The following ST6GALNAC3 variants were observed in gnomAD, a reference collection of about 807,000 sequenced individuals.
The protein encoded by ST6GALNAC3 is alpha-N-acetylgalactosaminide alpha-2,6-sialyltransferase 3.
A neutral mutation model predicts 32.7 loss-of-function variants in ST6GALNAC3; 25 were observed. That is an observed-to-expected ratio of 0.76 (90% CI 0.56 to 1.07). The LOEUF is 1.07. Among genes scored for constraint, ST6GALNAC3 ranks in the 50% least tolerant of loss-of-function variants. The pLI is 0.00. For synonymous variants in ST6GALNAC3, 129 were observed against 133.1 expected, an observed-to-expected ratio of 0.97 and a Z score of 0.21; for missense variants, 355 against 382.4, an observed-to-expected ratio of 0.93 and a Z score of 0.60.
At chr1:76,326,395 G>A (rs1054960098) in intron 2 of ST6GALNAC3, among the ~76,000 whole-genome samples, 2 of 152,270 alleles carry the variant, frequency 1.3e-5, no homozygotes, top group Admixed American at 6.5e-5. Flanking sequence ...AACATCAATG[G>A]AGTGGGAAGT....
chr1:76,142,130 TA>T (rs1162374551), intron 1 of ST6GALNAC3, among the ~76,000 whole-genome samples: 2 of 152,064 alleles, frequency 1.3e-5, no homozygotes, highest in Admixed American at 1.3e-4. Context: ...AAGCTACCCC[TA>T]AAAGCAAAGG....
intron 2 of ST6GALNAC3, among the ~76,000 whole-genome samples, chr1:76,387,457 G>A (rs899974022): frequency 3.3e-5 from 5 of 152,046 alleles, no homozygotes; most frequent in Non-Finnish European, 7.4e-5. Context: ...TTTTAGCTTA[G>A]ATTCTGTTTA....
intron 1 of ST6GALNAC3, among the ~76,000 whole-genome samples, chr1:76,258,263 C>T (rs1011564368): frequency 1.3e-5 from 2 of 152,060 alleles, no homozygotes; most frequent in African/African-American, 4.8e-5. Flanking sequence ...TTGAAGAAGA[C>T]GTTCATTCCA....
intron 3 of ST6GALNAC3, among the ~76,000 whole-genome samples, chr1:76,415,031 C>T (rs1007466182): frequency 9.9e-5 from 15 of 151,824 alleles, no homozygotes; most frequent in Non-Finnish European, 1.9e-4. Flanking sequence ...CTTCTATCTC[C>T]CTCCCTGCCT....
intron 3 of ST6GALNAC3, among the ~76,000 whole-genome samples, chr1:76,551,621 T>A (rs1664642241): frequency 6.6e-6 from 1 of 152,234 alleles, no homozygotes; most frequent in East Asian, 1.9e-4. Context: ...AATTATTAAG[T>A]CAAGGTATTT....
At chr1:76,423,067 CT>C (rs1655141523) in intron 3 of ST6GALNAC3, among the ~76,000 whole-genome samples, 1 of 151,962 alleles carries the variant, frequency 6.6e-6, no homozygotes, top group African/African-American at 2.4e-5. Flanking sequence ...TATGTTCAAC[CT>C]GCTATTTGCT....
chr1:76,435,573 G>T (rs1656082011), intron 3 of ST6GALNAC3, among the ~76,000 whole-genome samples: 1 of 152,172 alleles, frequency 6.6e-6, no homozygotes, highest in Admixed American at 6.5e-5. Flanking sequence ...AATGTGACAT[G>T]CATTATGCTG....
intron 2 of ST6GALNAC3, among the ~76,000 whole-genome samples, chr1:76,367,709 G>T (rs1194949385): frequency 6.6e-6 from 1 of 152,126 alleles, no homozygotes; most frequent in Non-Finnish European, 1.5e-5. Context: ...TTTGTCTTAA[G>T]AGGGTTTCTA....
intron 2 of ST6GALNAC3, among the ~76,000 whole-genome samples, chr1:76,371,754 G>A (rs1650838472): frequency 1.3e-5 from 2 of 152,182 alleles, no homozygotes; most frequent in Non-Finnish European, 1.5e-5. Context: ...GTTTGCTAGA[G>A]CCTGGAAGGA....
At chr1:76,547,998 C>T (rs940775486) in intron 3 of ST6GALNAC3, among the ~76,000 whole-genome samples, 1 of 152,074 alleles carries the variant, frequency 6.6e-6, no homozygotes, top group Non-Finnish European at 1.5e-5. Flanking sequence ...GATCATTAAC[C>T]ACACCTTTCT....
At chr1:76,468,080 T>C (rs1658763460) in intron 3 of ST6GALNAC3, among the ~76,000 whole-genome samples, 1 of 151,894 alleles carries the variant, frequency 6.6e-6, no homozygotes, top group Non-Finnish European at 1.5e-5. Context: ...CCAGAATCAA[T>C]CAATTCTTCC....
chr1:76,194,949 A>G (rs1654112381), intron 1 of ST6GALNAC3, among the ~76,000 whole-genome samples: 1 of 152,226 alleles, frequency 6.6e-6, no homozygotes, highest in South Asian at 2.1e-4. Flanking sequence ...TGCATTGGTC[A>G]TTTGAAAATA....
At chr1:76,240,849 C>T (rs77208451) in intron 1 of ST6GALNAC3, among the ~76,000 whole-genome samples, 270 of 152,322 alleles carry the variant, frequency 1.8e-3, no homozygotes, top group African/African-American at 6.1e-3. Flanking sequence ...TTTTATCTAT[C>T]TCCAAGTTTG....
At chr1:76,237,662 G>A (rs1557717590) in intron 1 of ST6GALNAC3, among the ~76,000 whole-genome samples, 1 of 152,078 alleles carries the variant, frequency 6.6e-6, no homozygotes, top group Non-Finnish European at 1.5e-5. Flanking sequence ...TTTCTCATGG[G>A]AATTCAGACT....
At chr1:76,399,425 C>T (rs2101202710) in intron 2 of ST6GALNAC3, among the ~76,000 whole-genome samples, 1 of 152,238 alleles carries the variant, frequency 6.6e-6, no homozygotes, top group East Asian at 1.9e-4. Context: ...GTCTCATTTC[C>T]TCTGCCCAGT....
intron 1 of ST6GALNAC3, among the ~76,000 whole-genome samples, chr1:76,291,827 G>A (rs1008984614): frequency 6.6e-6 from 1 of 152,204 alleles, no homozygotes; most frequent in African/African-American, 2.4e-5. Flanking sequence ...GATTAGTGAT[G>A]TGCAATTTGT....
At chr1:76,561,031 A>G (rs2100428029) in intron 3 of ST6GALNAC3, among the ~76,000 whole-genome samples, 1 of 152,312 alleles carries the variant, frequency 6.6e-6, no homozygotes, top group Middle Eastern at 3.4e-3. Context: ...AAAACATGAG[A>G]TCCTGTCATT....
At chr1:76,405,241 T>A (rs186855290) in intron 2 of ST6GALNAC3, among the ~76,000 whole-genome samples, 1 of 152,246 alleles carries the variant, frequency 6.6e-6, no homozygotes, top group East Asian at 1.9e-4. Context: ...TGCAGAGATT[T>A]AATAACTAGA....
At chr1:76,191,184 T>TA (rs1203997076) in intron 1 of ST6GALNAC3, among the ~76,000 whole-genome samples, 1 of 152,022 alleles carries the variant, frequency 6.6e-6, no homozygotes, top group East Asian at 1.9e-4. Context: ...TTGTTTGTCT[T>TA]AAAAAAATTT....
Sources: allele counts gnomAD v4.1 joint callset (sites outside exome capture counted in the v4.1 genomes callset), GRCh38; gene constraint gnomAD v4.1.1; transcripts MANE v1.5; gene names NCBI Gene and HGNC (gene_info 2026-07-23, HGNC 2026-07-21).